Variants in GCNT2 observed in about 807,000 individuals in gnomAD.
GCNT2 encodes glucosaminyl (N-acetyl) transferase 2 (I blood group).
Under a neutral mutation model 34.2 loss-of-function variants are expected in GCNT2, and 34 were observed. The ratio of observed to expected loss-of-function variants is 1.00; its 90% CI spans 0.76 to 1.32. The LOEUF is 1.32. Ranked by LOEUF, GCNT2 falls within the 40% of genes most tolerant of loss-of-function variation. The probability of loss-of-function intolerance (pLI) is 0.00; values close to 1 mark genes in which losing one functional copy is unlikely to be tolerated. For missense variants in GCNT2, 584 were observed against 489.4 expected (o/e 1.19, Z -1.82); for synonymous variants, 212 against 188.0 (o/e 1.13, Z -1.04).
chr6:10,626,136 A>G (rs1766244776), intron 4 of GCNT2, among the ~76,000 whole-genome samples: 1 of 152,222 alleles, frequency 6.6e-6, no homozygotes, highest in Admixed American at 6.5e-5. Flanking sequence ...ATTAATTTTG[A>G]TATACACAAT....
chr6:10,601,222 C>G (rs1173890073), intron 3 of GCNT2, among the ~76,000 whole-genome samples: 2 of 152,022 alleles, frequency 1.3e-5, no homozygotes, highest in African/African-American at 2.4e-5. Flanking sequence ...TAGGGCTATT[C>G]TTAGTAATAT....
chr6:10,588,611 C>G (rs145304185), intron 3 of GCNT2, among the ~76,000 whole-genome samples: 10 of 152,164 alleles, frequency 6.6e-5, no homozygotes, highest in African/African-American at 1.9e-4. Context: ...CTGCAGAATC[C>G]CGAAAAAGGG....
At chr6:10,621,497 G>A (rs908378735) in intron 4 of GCNT2, 54 bp downstream of exon 4, 126 of 1,117,768 alleles carry the variant, frequency 1.1e-4, no homozygotes, top group Non-Finnish European at 1.6e-4. Context: ...TTAGCAGGAA[G>A]GTAGCTGTGG....
chr6:10,532,942 G>A (rs1400491830), intron 3 of GCNT2, among the ~76,000 whole-genome samples: 2 of 121,940 alleles, frequency 1.6e-5, no homozygotes, highest in Non-Finnish European at 3.3e-5. Flanking sequence ...TTTGGCAGGT[G>A]TGCGAGGGAC....
At chr6:10,547,914 A>T (rs1005639797) in intron 3 of GCNT2, among the ~76,000 whole-genome samples, 2 of 152,204 alleles carry the variant, frequency 1.3e-5, no homozygotes, top group African/African-American at 4.8e-5. Context: ...TTTACTGCTC[A>T]AATTGTCCCA....
chr6:10,581,760 A>G (rs1255798081), intron 3 of GCNT2: 7 of 985,176 alleles, frequency 7.1e-6, no homozygotes, highest in East Asian at 1.1e-4. Flanking sequence ...TGAACCTGCA[A>G]TAGAAGACCT....
At chr6:10,552,496 T>A (rs939855409) in intron 3 of GCNT2, among the ~76,000 whole-genome samples, 5 of 152,180 alleles carry the variant, frequency 3.3e-5, no homozygotes, top group Middle Eastern at 3.4e-3. Flanking sequence ...TACAGGCTTT[T>A]TTTTTTTCTT....
At chr6:10,533,824 AAAG>A (rs1761623410) in intron 3 of GCNT2, among the ~76,000 whole-genome samples, 1 of 128,646 alleles carries the variant, frequency 7.8e-6, no homozygotes, top group Non-Finnish European at 1.7e-5. Context: ...AAAAAAAAAA[AAAG>A]AATGTATTTT....
intron 3 of GCNT2, chr6:10,557,931 A>T (rs1317326935): frequency 1.3e-5 from 2 of 152,514 alleles, no homozygotes; most frequent in Non-Finnish European, 1.5e-5. Context: ...CTGTTAGTCC[A>T]CACTGGTGTT....
chr6:10,558,249 CAG>C (rs1274451750), intron 3 of GCNT2, among the ~76,000 whole-genome samples: 2 of 152,182 alleles, frequency 1.3e-5, no homozygotes, highest in South Asian at 2.1e-4. Flanking sequence ...GTGCTTAGAA[CAG>C]AGAGTAAATG....
At chr6:10,569,169 G>A (rs1215096010) in intron 3 of GCNT2, among the ~76,000 whole-genome samples, 1 of 148,312 alleles carries the variant, frequency 6.7e-6, no homozygotes, top group African/African-American at 2.5e-5. Context: ...GTGCCCCTCA[G>A]CACTGCTGCC....
At chr6:10,543,573 T>G (rs1762132557) in intron 3 of GCNT2, among the ~76,000 whole-genome samples, 1 of 152,174 alleles carries the variant, frequency 6.6e-6, no homozygotes, top group Admixed American at 6.5e-5. Flanking sequence ...ATGCCCACCA[T>G]CAGTGTATGA....
chr6:10,529,507 C>T lies in GCNT2; in HGVS notation c.596C>T (p.Thr199Ile). The change falls in exon 3 of 5, where the codon ACC becomes ATC. Residue 199 changes from threonine (T) to isoleucine (I), a missense_variant. Physicochemically the swap from Thr to Ile is moderately conservative, Grantham distance 89. Transcript: ENST00000495262. ...TGCGGGCAAGACTTTCCCCTGAAAA[C>T]CAACAGGGAAATAGTTCAGTATCTG... ...NTCGQDFPLKTNREIVQYLKG... is the reference protein window; with the variant it reads ...NTCGQDFPLKINREIVQYLKG... The T allele has an allele frequency of 6.2e-7, 1 of 1,614,018 alleles. No individual in the cohort carries two copies. Among genetic ancestry groups the T allele is most frequent in the East Asian group, 2.2e-5 (1 of 44,882 alleles).
intron 3 of GCNT2, among the ~76,000 whole-genome samples, chr6:10,602,958 A>C (rs1260832898): frequency 2.0e-5 from 3 of 152,192 alleles, no homozygotes; most frequent in Non-Finnish European, 4.4e-5. Flanking sequence ...CTTTTATTTG[A>C]AAGAGTCAGT....
chr6:10,578,914 G>A (rs779708236), intron 3 of GCNT2, among the ~76,000 whole-genome samples: 32 of 152,292 alleles, frequency 2.1e-4, no homozygotes, highest in Non-Finnish European at 4.4e-4. Flanking sequence ...AGGAGGCGGA[G>A]AACTGGAAAC....
rs79089484 is a variant in GCNT2 at position 10,604,577 on chromosome 6, T to C, written c.926-16774T>C. Among the ~76,000 whole-genome samples the C allele has an allele frequency of 2.8e-3, 426 of 152,328 alleles. 2 individuals carry two copies. Among genetic ancestry groups the C allele is most frequent in the Middle Eastern group, 0.017 (5 of 294 alleles). The stretch of plus-strand genomic sequence containing the variant: ...AGATAATACTATGAAGTATTATCTC[T>C]GGGCCAGGTGTGCTGGCTCACGCTT... On this transcript the variant is annotated intron_variant, in intron 3 of 4. Transcript: ENST00000495262.
intron 3 of GCNT2, among the ~76,000 whole-genome samples, chr6:10,563,278 C>A (rs536058381): frequency 6.6e-6 from 1 of 152,140 alleles, no homozygotes; most frequent in Non-Finnish European, 1.5e-5. Context: ...CTGACCTAAC[C>A]GTACCCTTTT....
At position 10,616,922 on chromosome 6, in the gene GCNT2, T is replaced by G. The variant is rs1399334437; in HGVS notation, c.926-4429T>G. Reference sequence around the variant, plus strand: ...GAGCTAGAGACAGAGTGCTGATTGGTGTATTTACAATCCCTTAGCTAGACA... The same window carrying G: ...GAGCTAGAGACAGAGTGCTGATTGGGGTATTTACAATCCCTTAGCTAGACA... On this transcript the variant is annotated intron_variant, in intron 3 of 4. Transcript: ENST00000495262. Among the ~76,000 whole-genome samples, 6 of 152,212 alleles carry G rather than the reference T, an allele frequency of 3.9e-5. No homozygotes were observed. In the East Asian group the frequency reaches 1.2e-3, roughly 29 times the overall value.
At chr6:10,620,904 C>T (rs140573985) in intron 3 of GCNT2, among the ~76,000 whole-genome samples, 146 of 152,234 alleles carry the variant, frequency 9.6e-4, no homozygotes, top group Non-Finnish European at 1.7e-3. Flanking sequence ...AGGGTGCTAT[C>T]GGCATCTATT....
Sources: gnomAD v4.1 joint callset for allele counts (sites outside exome capture counted in the v4.1 genomes callset) on GRCh38, gnomAD v4.1.1 for gene constraint, MANE v1.5 for transcripts, NCBI Gene and HGNC (gene_info 2026-07-23, HGNC 2026-07-21) for gene names.